The following GSDMA variants were observed in gnomAD, a reference collection of about 807,000 sequenced individuals.
GSDMA encodes gasdermin-A.
Under a neutral mutation model 54.3 loss-of-function variants are expected in GSDMA, and 55 were observed. That is an observed-to-expected ratio of 1.01 (90% CI 0.82 to 1.27). The LOEUF is 1.27. Ranked by LOEUF, GSDMA falls within the 50% of genes most tolerant of loss-of-function variation. GSDMA has a pLI of 0.00. For missense variants in GSDMA, 542 were observed against 542.6 expected (o/e 1.00, Z 0.01); for synonymous variants, 211 against 224.7 (o/e 0.94, Z 0.54).
chr17:39,967,549 G>A (rs1174858263), intron 3 of GSDMA, among the ~76,000 whole-genome samples: 2 of 152,210 alleles, frequency 1.3e-5, no homozygotes, highest in South Asian at 2.1e-4. Flanking sequence ...CTGAATTGTA[G>A]GCACCAGGAA....
At chr17:39,969,032 T>C (rs1180850096) in intron 3 of GSDMA, among the ~76,000 whole-genome samples, 1 of 152,088 alleles carries the variant, frequency 6.6e-6, no homozygotes, top group Non-Finnish European at 1.5e-5. Context: ...AAAGTGAAGA[T>C]ACACACAAGG....
Position 39,974,978 on chromosome 17 carries a change from G to A in GSDMA, c.985G>A (p.Val329Met), listed in dbSNP as rs754738073. 2.4e-5 allele frequency: 38 copies of A among 1,612,500 alleles called. No individual in the cohort carries two copies. Among genetic ancestry groups the A allele is most frequent in the Middle Eastern group, 1.6e-4 (1 of 6,076 alleles). ...AGATGTCCTGCTATCAAAGGAGGCC[G>A]TGGGCGCCATCCTCTATTTCGTTGG... ...PKDVLLSKEA[V>M]GAILYFVGAL... Residue 329 changes from valine to methionine, a missense_variant, in exon 10 of 12, where the codon GTG (valine) becomes ATG (methionine). Transcript: ENST00000301659.
At chr17:39,965,334 A>AAAG (rs1979598384) in intron 1 of GSDMA, among the ~76,000 whole-genome samples, 1 of 151,294 alleles carries the variant, frequency 6.6e-6, no homozygotes, top group South Asian at 2.1e-4. Flanking sequence ...GAAAGAAAGA[A>AAAG]AAAGAAAAGA....
At chr17:39,966,143 T>A in intron 2 of GSDMA, 117 bp from the exon 3 acceptor site, 1 of 1,125,708 alleles carries the variant, frequency 8.9e-7, no homozygotes, top group Non-Finnish European at 1.3e-6. Context: ...CCCAGGCTGG[T>A]TTCAAACTCC....
At chr17:39,974,182 G>T (rs1980088511) in intron 8 of GSDMA, 91 bp from the exon 9 acceptor site, 3 of 1,334,702 alleles carry the variant, frequency 2.2e-6, no homozygotes, top group South Asian at 3.0e-5. Context: ...GTACCTAAAG[G>T]GGGCTGAGTG....
chr17:39,975,031 G>A lies in GSDMA; in HGVS notation c.1021+17G>A, dbSNP rs866804613. On this transcript the variant is annotated intron_variant, in intron 10 of 11. Coordinates refer to ENST00000301659, the MANE Select transcript of GSDMA (RefSeq NM_178171.5). Reference sequence around the variant, plus strand: ...CCCTAACAGGTAAGTGGGGAATAAGGTCTTCATTTATAGACCTTTTCAGTA... The same window carrying A: ...CCCTAACAGGTAAGTGGGGAATAAGATCTTCATTTATAGACCTTTTCAGTA... 6.3e-6 allele frequency: 9 copies of A among 1,439,314 alleles called. No individual in the cohort carries two copies. The Middle Eastern group carries it at 1.6e-3, about 251-fold the overall frequency. The allele number at this position is 1,439,314 out of a possible 1,614,324, so 89.2% of individuals were successfully genotyped here.
At chr17:39,966,211 G>A in intron 2 of GSDMA, 49 bp from the exon 3 acceptor site, 1 of 1,596,978 alleles carries the variant, frequency 6.3e-7, no homozygotes, top group Non-Finnish European at 8.6e-7. Flanking sequence ...ACAGGCATGA[G>A]TTACTGCACC....
chr17:39,972,121 C>A lies in GSDMA; in HGVS notation c.656-8C>A. 6.5e-7 allele frequency: 1 copy of A among 1,534,644 alleles called. No individual in the cohort carries two copies. The highest frequency in any genetic ancestry group is 9.0e-7 in the Non-Finnish European group (1 of 1,114,294). On this transcript the variant is annotated splice_polypyrimidine_tract_variant and splice_region_variant and intron_variant, in intron 5 of 11. Coordinates refer to ENST00000301659, the MANE Select transcript of GSDMA (RefSeq NM_178171.5). ...GTCCTCCCACCCTCCCTCCCTTGCC[C>A]TTCACAGATATTCCACATATCTGCA...
intron 3 of GSDMA, among the ~76,000 whole-genome samples, chr17:39,968,137 A>G (rs1229883132): frequency 6.6e-6 from 1 of 151,754 alleles, no homozygotes; most frequent in Non-Finnish European, 1.5e-5. Flanking sequence ...GATTACAGGG[A>G]AGTAATCCCA....
Position 39,972,151 on chromosome 17 carries a change from T to C in GSDMA, c.678T>C (p.Asp226=). 2 of 1,440,212 alleles carry C rather than the reference T, an allele frequency of 1.4e-6. No individual in the cohort carries two copies. Among genetic ancestry groups the C allele is most frequent in the South Asian group, 1.2e-5 (1 of 86,700 alleles). 89.2% of individuals were successfully genotyped at this position (1,440,212 alleles called of 1,614,324 possible). ...CAGATATTCCACATATCTGCAATGATAACATGCAAACCTTCCCTCCTGGAG... is the reference window on the plus strand; with the variant it reads ...CAGATATTCCACATATCTGCAATGACAACATGCAAACCTTCCCTCCTGGAG... The part of the protein sequence containing the change: ...DEWDIPHICN[D]NMQTFPPGEK... Residue 226 remains aspartate, a synonymous_variant, in exon 6 of 12, where the codon GAT becomes GAC. Coordinates refer to ENST00000301659, the MANE Select transcript of GSDMA (RefSeq NM_178171.5).
In GSDMA at chr17:39,977,283, T is replaced by C. The variant is rs1051297738; in HGVS notation, c.*225T>C. The C allele has an allele frequency of 2.2e-5, 7 of 320,650 alleles. No individual in the cohort carries two copies. Among genetic ancestry groups the C allele is most frequent in the African/African-American group, 1.7e-4 (6 of 35,548 alleles). 19.9% of individuals were successfully genotyped at this position (320,650 alleles called of 1,614,324 possible). A position where few individuals can be genotyped will look rare whatever the true frequency, so the allele number is the denominator to read the frequency against. Reference sequence around the variant, plus strand: ...CTGCTGATGCTTAAATTTTCTTTACTTTTCTTTTCTTTTTTTTTTTTTTTT... The same window carrying C: ...CTGCTGATGCTTAAATTTTCTTTACCTTTCTTTTCTTTTTTTTTTTTTTTT... On this transcript the variant is annotated 3_prime_UTR_variant, in exon 12 of 12. Coordinates refer to ENST00000301659, the MANE Select transcript of GSDMA (RefSeq NM_178171.5).
intron 8 of GSDMA, 148 bp downstream of exon 8, chr17:39,973,978 A>G: frequency 1.2e-6 from 1 of 812,188 alleles, no homozygotes; most frequent in Non-Finnish European, 2.0e-6. Context: ...GGAGTCTCAA[A>G]GAAAAGTCAA....
At chr17:39,974,080 A>C (rs1980082399) in intron 8 of GSDMA, among the ~76,000 whole-genome samples, 193 bp from the exon 9 acceptor site, 1 of 152,162 alleles carries the variant, frequency 6.6e-6, no homozygotes, top group Admixed American at 6.5e-5. Context: ...TTCTCGCCCC[A>C]ACCCTCAGGT....
intron 4 of GSDMA, among the ~76,000 whole-genome samples, chr17:39,971,179 GGAA>G (rs1216037921): frequency 6.6e-6 from 1 of 152,194 alleles, no homozygotes; most frequent in Non-Finnish European, 1.5e-5. Flanking sequence ...ATGGTGAAGA[GGAA>G]GAAGGAGCCA....
intron 3 of GSDMA, among the ~76,000 whole-genome samples, chr17:39,969,482 T>G (rs1246020118): frequency 6.6e-6 from 1 of 151,460 alleles, no homozygotes; most frequent in Non-Finnish European, 1.5e-5. Flanking sequence ...GAAAATGAGG[T>G]GCAGACAGAA....
rs780123019 is a variant in GSDMA at position 39,966,318 on chromosome 17, AGATGTG to A, written c.279_284del (p.Asp94_Val95del). Reference sequence around the variant, plus strand: ...ATATGCTGGACACCCGAGTGGAGGGAGATGTGGATGTACCAAAGACGGTGAAGGTGA... The same window carrying A: ...ATATGCTGGACACCCGAGTGGAGGGAGATGTACCAAAGACGGTGAAGGTGA... On this transcript the variant is annotated inframe_deletion, in exon 3 of 12. Coordinates refer to ENST00000301659, the MANE Select transcript of GSDMA (RefSeq NM_178171.5). The A allele has an allele frequency of 3.7e-6, 6 of 1,613,818 alleles. No individual in the cohort carries two copies. Among genetic ancestry groups the A allele is most frequent in the Non-Finnish European group, 5.1e-6 (6 of 1,179,868 alleles).
In GSDMA at chr17:39,966,250, C is replaced by T; in HGVS notation, c.215-10C>T. ...CCAGCCCAGCCCCTTTTGTCTTTTC[C>T]CTCCTGCAGACCCAACAGACACTGG... On this transcript the variant is annotated splice_polypyrimidine_tract_variant and intron_variant, in intron 2 of 11. Transcript: ENST00000301659. 6.2e-7 allele frequency: 1 copy of T among 1,613,574 alleles called. No homozygotes were observed. Among genetic ancestry groups the T allele is most frequent in the Non-Finnish European group, 8.5e-7 (1 of 1,179,764 alleles).
At chr17:39,968,339 CTTTTTTTTTTT>C (rs60315845) in intron 3 of GSDMA, among the ~76,000 whole-genome samples, 16 of 41,362 alleles carry the variant, frequency 3.9e-4, no homozygotes, top group African/African-American at 1.8e-3. Context: ...TGAGCCCGGT[CTTTTTTTTTTT>C]TTTTTTTTTT....
chr17:39,973,035 A>G (rs1047657812), intron 7 of GSDMA, among the ~76,000 whole-genome samples: 1 of 151,966 alleles, frequency 6.6e-6, no homozygotes, highest in African/African-American at 2.4e-5. Flanking sequence ...GTAGTGGCGC[A>G]ATCTCAGTCC....
Sources: gnomAD v4.1 joint callset for allele counts (sites outside exome capture counted in the v4.1 genomes callset) on GRCh38, gnomAD v4.1.1 for gene constraint, MANE v1.5 for transcripts, NCBI Gene and HGNC (gene_info 2026-07-23, HGNC 2026-07-21) for gene names.